Variants in TNS1 observed in about 807,000 individuals in gnomAD.
TNS1 encodes tensin-1.
In TNS1, 62 loss-of-function variants were observed where a neutral mutation model predicts 168.6. The observed-to-expected ratio is 0.37, with a 90% CI of 0.30 to 0.45. The LOEUF (loss-of-function observed/expected upper bound fraction) is 0.45, where lower values mean the gene tolerates loss of function less well. TNS1 is among the 20% of genes least tolerant of loss of function. The pLI is 1.00. For missense variants in TNS1, 2,240 were observed against 2,339.4 expected (o/e 0.96, Z 0.88); for synonymous variants, 934 against 933.2 (o/e 1.00, Z -0.02).
intron 3 of TNS1, among the ~76,000 whole-genome samples, chr2:217,945,369 G>A (rs1042834136): frequency 6.6e-6 from 1 of 152,190 alleles, no homozygotes; most frequent in Non-Finnish European, 1.5e-5. Context: ...AGCATGTGGG[G>A]CCAGAGCCAC....
chr2:217,831,544 C>T lies in TNS1; in HGVS notation c.3284G>A (p.Arg1095Gln), dbSNP rs373055196. ...TGTCTTGGCCAGACCCGGGGGGGAC[C>T]GCACTGTGCCAGGAAGAAGAGGGGA... ...SPSSPPPSGV[R>Q]SPPGLAKTPL... Residue 1095 changes from arginine to glutamine, a missense_variant, in exon 22 of 33, where the codon CGG becomes CAG. This residue lies in a region of TNS1 where 2,131 missense variants were observed against 2,171.2 expected (regional missense o/e 0.98). Coordinates refer to ENST00000682258, the MANE Select transcript of TNS1 (RefSeq NM_001387777.1). 152 of 1,513,704 alleles carry T rather than the reference C, an allele frequency of 1.0e-4. No homozygotes were observed. Among genetic ancestry groups the T allele is most frequent in the South Asian group, 6.2e-4 (46 of 74,776 alleles). 93.8% of individuals were successfully genotyped at this position (1,513,704 alleles called of 1,614,324 possible).
intron 10 of TNS1, 39 bp downstream of exon 10, chr2:217,893,400 G>GTGCA (rs141673800): frequency 1.4e-5 from 21 of 1,461,492 alleles, no homozygotes; most frequent in Non-Finnish European, 1.7e-5. Flanking sequence ...GTGCGCGCGC[G>GTGCA]CACACACACA....
intron 3 of TNS1, among the ~76,000 whole-genome samples, chr2:217,954,291 G>A (rs1035173263): frequency 3.3e-5 from 5 of 152,172 alleles, no homozygotes; most frequent in Non-Finnish European, 5.9e-5. Flanking sequence ...TGCTGCAAGC[G>A]AATGAGCTGC....
intron 3 of TNS1, among the ~76,000 whole-genome samples, chr2:217,966,553 G>A (rs1957647177): frequency 6.6e-6 from 1 of 152,114 alleles, no homozygotes; most frequent in Non-Finnish European, 1.5e-5. Context: ...GGGCAAACAC[G>A]GGCTCCACAA....
At chr2:217,938,632 G>A (rs1956755509) in intron 3 of TNS1, among the ~76,000 whole-genome samples, 1 of 152,248 alleles carries the variant, frequency 6.6e-6, no homozygotes, top group Non-Finnish European at 1.5e-5. Flanking sequence ...CCATGGTCCA[G>A]GGCAGGCTTC....
chr2:218,012,025 C>A (rs772003900), upstream of TNS1, among the ~76,000 whole-genome samples: 91 of 152,192 alleles, frequency 6.0e-4, no homozygotes, highest in Non-Finnish European at 1.0e-3. Context: ...GGCCTTTGTT[C>A]ATGCCCACAA....
intron 4 of TNS1, among the ~76,000 whole-genome samples, chr2:217,914,642 C>T (rs369506551): frequency 5.9e-5 from 9 of 152,178 alleles, no homozygotes; most frequent in South Asian, 2.1e-4. Context: ...CAAGACACCA[C>T]GCCCAGCCAA....
rs141104091 is a variant in TNS1 at position 217,986,330 on chromosome 2, C to A, written c.148+4612G>T. Among the ~76,000 whole-genome samples, 256 of 152,342 alleles carry A rather than the reference C, an allele frequency of 1.7e-3. 1 individual carries two copies. The highest frequency in any genetic ancestry group is 5.8e-3 in the African/African-American group (243 of 41,580). On this transcript the variant is annotated intron_variant, in intron 2 of 32. Transcript: ENST00000682258. This position sits in a 1 kb window ranked among gnomAD's most constrained non-coding sequence, Gnocchi z 4.7. ...AGGCTTGTCCTGTTAAAGGACGGAT[C>A]GTCTTTCCAGGTGCATCCTGCCCTA...
At position 217,835,898 on chromosome 2, in the gene TNS1, G is replaced by C. The variant is rs900219359; in HGVS notation, c.3204+117C>G. 18 of 898,958 alleles carry C rather than the reference G, an allele frequency of 2.0e-5. No homozygotes were observed. The East Asian group carries it at 2.3e-4, about 11-fold the overall frequency. The allele number at this position is 898,958 out of a possible 1,614,324, so 55.7% of individuals were successfully genotyped here. ...GAAGAGAGTTTGGGTGAGGACGTAGGGGGAGACAAATCACTGAGTATACTG... is the reference window on the plus strand; with the variant it reads ...GAAGAGAGTTTGGGTGAGGACGTAGCGGGAGACAAATCACTGAGTATACTG... On this transcript the variant is annotated intron_variant, in intron 20 of 32. Transcript: ENST00000682258.
chr2:217,904,017 G>A (rs981339245), intron 6 of TNS1, among the ~76,000 whole-genome samples: 4 of 152,198 alleles, frequency 2.6e-5, no homozygotes, highest in African/African-American at 7.2e-5. Context: ...CCCCAGAGGG[G>A]CACAGTTGGG....
intron 12 of TNS1, chr2:217,890,360 C>T (rs149329013): frequency 6.5e-6 from 1 of 152,726 alleles, no homozygotes; most frequent in East Asian, 1.9e-4. Context: ...ATCAGCTCAC[C>T]AAGGGAAAGG....
At chr2:217,960,331 A>G (rs1957466728) in intron 3 of TNS1, among the ~76,000 whole-genome samples, 1 of 152,100 alleles carries the variant, frequency 6.6e-6, no homozygotes, top group East Asian at 1.9e-4. Flanking sequence ...ATGCTCACTG[A>G]TACTAGCCCC....
intron 1 of TNS1, among the ~76,000 whole-genome samples, chr2:218,029,741 A>G (rs1258271168): frequency 1.3e-5 from 2 of 152,178 alleles, no homozygotes; most frequent in Non-Finnish European, 2.9e-5. Context: ...GGGATTGCGC[A>G]CTGCCCTCCA....
intron 19 of TNS1, among the ~76,000 whole-genome samples, chr2:217,840,661 G>A (rs181489092): frequency 6.6e-6 from 1 of 152,362 alleles, no homozygotes; most frequent in East Asian, 1.9e-4. Flanking sequence ...AGCAGGGGCT[G>A]GGGCACCACT....
At chr2:218,003,890 C>T (rs1401212978), upstream of TNS1, among the ~76,000 whole-genome samples, 1 of 152,014 alleles carries the variant, frequency 6.6e-6, no homozygotes, top group African/African-American at 2.4e-5. Context: ...CCTCCCCTCG[C>T]CCCCACCTCT....
At chr2:217,809,681 T>A (rs541801526) in intron 30 of TNS1, 142 bp downstream of exon 30, 3 of 825,928 alleles carry the variant, frequency 3.6e-6, no homozygotes, top group Non-Finnish European at 5.6e-6. Context: ...AGATGGGAGG[T>A]AGATGCAAGA....
chr2:217,984,575 C>A (rs149736067), intron 2 of TNS1, among the ~76,000 whole-genome samples: 1,810 of 152,182 alleles, frequency 0.012, 37 homozygotes, highest in African/African-American at 0.042. Context: ...GCAGCCTCGA[C>A]CTCCCCAGGC....
rs369200726 is a variant in TNS1 at position 217,908,085 on chromosome 2, T to C, written c.229-834A>G. 6.6e-5 allele frequency among the ~76,000 whole-genome samples: 10 copies of C among 152,326 alleles called. No individual in the cohort carries two copies. The South Asian group carries it at 1.0e-3, about 16-fold the overall frequency. ...CAACTATTGTTTTATTTGTGATTCT[T>C]ATTCCACCTTCATCCAAAATAGATT... On this transcript the variant is annotated intron_variant, in intron 4 of 32. Transcript: ENST00000682258.
intron 1 of TNS1, among the ~76,000 whole-genome samples, chr2:218,016,218 T>G (rs1330500308): frequency 1.0e-4 from 15 of 149,126 alleles, no homozygotes; most frequent in Admixed American, 4.7e-4. Flanking sequence ...ACAGAGAGGG[T>G]GGTTGGGTTG....
Sources: gnomAD v4.1 joint callset for allele counts (sites outside exome capture counted in the v4.1 genomes callset) on GRCh38, gnomAD v4.1.1 for gene constraint, gnomAD v4.1.1 regional missense constraint, Gnocchi (gnomAD v3.1) non-coding constraint, MANE v1.5 for transcripts, NCBI Gene and HGNC (gene_info 2026-07-23, HGNC 2026-07-21) for gene names.